Variants in INPP5A observed in about 807,000 individuals in gnomAD.
INPP5A encodes inositol polyphosphate-5-phosphatase A, also known as 43 kDa inositol polyphosphate 5-phophatase.
A neutral mutation model predicts 65.2 loss-of-function variants in INPP5A; 14 were observed. The ratio of observed to expected loss-of-function variants is 0.21; its 90% CI spans 0.14 to 0.34. INPP5A has a LOEUF of 0.34. Among genes scored for constraint, INPP5A ranks in the 10% least tolerant of loss-of-function variants. The pLI is 1.00. For synonymous variants in INPP5A, 207 were observed against 208.3 expected (o/e 0.99, Z 0.05); for missense variants, 431 against 545.6 (o/e 0.79, Z 2.09).
At chr10:132,699,691 G>A (rs1243932597) in intron 6 of INPP5A, among the ~76,000 whole-genome samples, 1 of 152,130 alleles carries the variant, frequency 6.6e-6, no homozygotes, top group Non-Finnish European at 1.5e-5. Context: ...GGGAAGCTCG[G>A]GGGCAGCGGG....
At chr10:132,635,695 CT>C (rs1044161993) in intron 2 of INPP5A, among the ~76,000 whole-genome samples, 2 of 151,750 alleles carry the variant, frequency 1.3e-5, no homozygotes, top group African/African-American at 4.8e-5. Flanking sequence ...GCGCCCGGCC[CT>C]TTTTAAAGAT....
chr10:132,774,094 C>T lies in INPP5A; in HGVS notation c.978-3577C>T, dbSNP rs536629959. Among the ~76,000 whole-genome samples the T allele has an allele frequency of 5.3e-5, 8 of 152,352 alleles. No homozygotes were observed. In the East Asian group the frequency reaches 1.5e-3, roughly 29 times the overall value. ...CCCTCTTGGAAGTCTGTGCCGCTTCCTTCTCCCGCTCGGTAGCTTCAGCAT... is the reference window on the plus strand; with the variant it reads ...CCCTCTTGGAAGTCTGTGCCGCTTCTTTCTCCCGCTCGGTAGCTTCAGCAT... On this transcript the variant is annotated intron_variant, in intron 12 of 15. Transcript: ENST00000368594.
chr10:132,731,643 C>G (rs1248692583), intron 9 of INPP5A, among the ~76,000 whole-genome samples: 3 of 152,196 alleles, frequency 2.0e-5, no homozygotes, highest in Admixed American at 1.3e-4. Context: ...GGTGGCTGAG[C>G]CTCCGTTGCA....
In INPP5A at chr10:132,620,899, C is replaced by T. The variant is rs528156697; in HGVS notation, c.117+12943C>T. ...CATTAGAAAAATTCAAACCAACATTCCCCATGAAAATAAAGGCAAAAATTA... is the reference window on the plus strand; with the variant it reads ...CATTAGAAAAATTCAAACCAACATTTCCCATGAAAATAAAGGCAAAAATTA... On this transcript the variant is annotated intron_variant, in intron 2 of 15. Transcript: ENST00000368594. Among the ~76,000 whole-genome samples, 11 of 152,236 alleles carry T rather than the reference C, an allele frequency of 7.2e-5. 1 individual carries two copies. Among genetic ancestry groups the T allele is most frequent in the Admixed American group, 5.9e-4 (9 of 15,296 alleles).
At position 132,710,461 on chromosome 10, in the gene INPP5A, G is replaced by A; in HGVS notation, c.647+5G>A. On this transcript the variant is annotated splice_donor_5th_base_variant and intron_variant, in intron 8 of 15. Coordinates refer to ENST00000368594, the MANE Select transcript of INPP5A (RefSeq NM_005539.5). Reference sequence around the variant, plus strand: ...ACTGGGCTACGTGCTGGACAGGTAGGTGTGGGCGGGCAGGTAGGCGTGGGC... The same window carrying A: ...ACTGGGCTACGTGCTGGACAGGTAGATGTGGGCGGGCAGGTAGGCGTGGGC... 1 of 1,612,660 alleles carries A rather than the reference G, an allele frequency of 6.2e-7. No individual in the cohort carries two copies. The highest frequency in any genetic ancestry group is 1.8e-4 in the Middle Eastern group (1 of 5,530).
intron 1 of INPP5A, among the ~76,000 whole-genome samples, chr10:132,568,697 C>T (rs1373964846): frequency 6.6e-6 from 1 of 152,056 alleles, no homozygotes; most frequent in Non-Finnish European, 1.5e-5. Context: ...GTGGAGGTTC[C>T]AGTGAGCCGA....
chr10:132,673,426 G>A (rs1054543361), intron 4 of INPP5A, among the ~76,000 whole-genome samples: 17 of 152,246 alleles, frequency 1.1e-4, no homozygotes, highest in African/African-American at 7.2e-5. Flanking sequence ...TATATTGGAC[G>A]CTGATTCAGA....
chr10:132,599,507 T>C (rs959549212), intron 1 of INPP5A, among the ~76,000 whole-genome samples: 5 of 152,232 alleles, frequency 3.3e-5, no homozygotes, highest in African/African-American at 1.2e-4. Context: ...TCGGCTGCTT[T>C]CATGGGCTGG....
intron 2 of INPP5A, among the ~76,000 whole-genome samples, chr10:132,639,028 T>C (rs1038636710): frequency 6.6e-6 from 1 of 152,190 alleles, no homozygotes; most frequent in Non-Finnish European, 1.5e-5. Flanking sequence ...GACTAGGCTG[T>C]CTTCAGCTAC....
At chr10:132,781,744 C>T (rs1847165230) in intron 14 of INPP5A, 117 bp from the exon 15 acceptor site, 1 of 838,870 alleles carries the variant, frequency 1.2e-6, no homozygotes, top group Admixed American at 1.9e-5. Context: ...CTCCTCCCAG[C>T]CCGGTTCATG....
At chr10:132,771,402 G>A (rs566439864) in intron 12 of INPP5A, among the ~76,000 whole-genome samples, 69 of 152,350 alleles carry the variant, frequency 4.5e-4, no homozygotes, top group African/African-American at 1.4e-3. Context: ...TGGTTCCCAC[G>A]CCGGCGCCGG....
chr10:132,718,472 G>C (rs1845788146), intron 8 of INPP5A, among the ~76,000 whole-genome samples: 1 of 150,268 alleles, frequency 6.7e-6, no homozygotes, highest in Non-Finnish European at 1.5e-5. Context: ...AGGGTTCTGT[G>C]GTGCCTGGGT....
intron 5 of INPP5A, among the ~76,000 whole-genome samples, chr10:132,691,214 G>A (rs892233998): frequency 1.3e-5 from 2 of 152,214 alleles, no homozygotes; most frequent in African/African-American, 4.8e-5. Context: ...TGCTTGAGTG[G>A]TGATTTCATT....
At chr10:132,646,888 C>T (rs1020432423) in intron 3 of INPP5A, among the ~76,000 whole-genome samples, 2 of 152,226 alleles carry the variant, frequency 1.3e-5, no homozygotes, top group African/African-American at 2.4e-5. Flanking sequence ...TGCAGCCACC[C>T]GGAGTCGGGA....
At chr10:132,610,301 G>A (rs112249065) in intron 2 of INPP5A, among the ~76,000 whole-genome samples, 3,546 of 152,296 alleles carry the variant, frequency 0.023, 50 homozygotes, top group South Asian at 0.039. Flanking sequence ...CCCTGTGTGC[G>A]TGGCCCCCCG....
At chr10:132,723,467 A>ATTGGCCATGTGGGGATTGGCCG (rs1564984321) in intron 8 of INPP5A, among the ~76,000 whole-genome samples, 1 of 120,726 alleles carries the variant, frequency 8.3e-6, no homozygotes. Context: ...GGGATTGGCC[A>ATTGGCCATGTGGGGATTGGCCG]TGTGGGGATT....
chr10:132,762,428 C>T lies in INPP5A; in HGVS notation c.904-3345C>T, dbSNP rs1005138382. Among the ~76,000 whole-genome samples, 1 of 152,062 alleles carries T rather than the reference C, an allele frequency of 6.6e-6. No individual in the cohort carries two copies. Among genetic ancestry groups the T allele is most frequent in the Non-Finnish European group, 1.5e-5 (1 of 68,020 alleles). On this transcript the variant is annotated intron_variant, in intron 11 of 15. Coordinates refer to ENST00000368594, the MANE Select transcript of INPP5A (RefSeq NM_005539.5). The surrounding 1 kb of genome is among the most constrained non-coding windows in gnomAD (Gnocchi z 4.6). Reference sequence around the variant, plus strand: ...CCAGAACAACCACAAAAATACACACCAGGAGAAGTGGAGGCGTTCAGTCAA... The same window carrying T: ...CCAGAACAACCACAAAAATACACACTAGGAGAAGTGGAGGCGTTCAGTCAA...
intron 2 of INPP5A, among the ~76,000 whole-genome samples, chr10:132,632,696 C>G (rs2072291524): frequency 6.6e-6 from 1 of 152,190 alleles, no homozygotes; most frequent in East Asian, 1.9e-4. Flanking sequence ...TATTAAAAAT[C>G]AAATTATATA....
chr10:132,648,244 A>T (rs1328461435), intron 3 of INPP5A, among the ~76,000 whole-genome samples: 1 of 152,262 alleles, frequency 6.6e-6, no homozygotes, highest in Admixed American at 6.5e-5. Flanking sequence ...GCAGGCGGGG[A>T]CACCGCAGGC....
Sources: gnomAD v4.1 joint callset for allele counts (sites outside exome capture counted in the v4.1 genomes callset) on GRCh38, gnomAD v4.1.1 for gene constraint, Gnocchi (gnomAD v3.1) non-coding constraint, MANE v1.5 for transcripts, NCBI Gene and HGNC (gene_info 2026-07-23, HGNC 2026-07-21) for gene names.